AGAP4: variants seen among roughly 807,000 people sequenced by gnomAD.
The protein encoded by AGAP4 is arf-GAP with GTPase, ANK repeat and PH domain-containing protein 4.
AGAP4 carries 13 observed loss-of-function variants against 60.7 expected under a neutral mutation model. That is an observed-to-expected ratio of 0.21 (90% CI 0.14 to 0.34). AGAP4 has a LOEUF of 0.34. Ranked by LOEUF, AGAP4 falls within the 10% of genes least tolerant of loss-of-function variation. The probability of loss-of-function intolerance (pLI) is 1.00; values close to 1 mark genes in which losing one functional copy is unlikely to be tolerated. For missense variants in AGAP4, 169 were observed against 884.0 expected (o/e 0.19, Z 10.26); for synonymous variants, 70 against 339.0 (o/e 0.21, Z 8.72).
chr10:45,828,254 C>T (rs2058676977), intron 6 of AGAP4, among the ~76,000 whole-genome samples, 174 bp from the exon 7 acceptor site: 1 of 147,966 alleles, frequency 6.8e-6, no homozygotes, highest in African/African-American at 2.4e-5. Flanking sequence ...TCTTTCTCAG[C>T]ACATCATGGC....
At chr10:45,829,237 T>A (rs1309840293) in intron 6 of AGAP4, among the ~76,000 whole-genome samples, 1 of 123,112 alleles carries the variant, frequency 8.1e-6, no homozygotes, top group Non-Finnish European at 1.7e-5. Flanking sequence ...CCTGAATTTC[T>A]TAAGAATGTC....
intron 4 of AGAP4, among the ~76,000 whole-genome samples, chr10:45,839,325 A>C (rs2058879796): frequency 8.1e-6 from 1 of 123,202 alleles, no homozygotes; most frequent in Non-Finnish European, 1.8e-5. Flanking sequence ...AGTAGGGTAA[A>C]ATGTGAAAAA....
At chr10:45,850,119 G>C (rs1402689483), upstream of AGAP4, among the ~76,000 whole-genome samples, 2 of 151,752 alleles carry the variant, frequency 1.3e-5, no homozygotes, top group Non-Finnish European at 2.9e-5. Flanking sequence ...AGTAGAGATG[G>C]GGTTTCACCA....
chr10:45,851,043 T>C (rs2059077265), upstream of AGAP4, among the ~76,000 whole-genome samples: 1 of 152,000 alleles, frequency 6.6e-6, no homozygotes, highest in Non-Finnish European at 1.5e-5. Flanking sequence ...CAACTTTGAA[T>C]CTATGGTTAC....
intron 5 of AGAP4, among the ~76,000 whole-genome samples, chr10:45,831,634 T>A (rs1210218321): frequency 7.9e-6 from 1 of 126,348 alleles, no homozygotes; most frequent in East Asian, 2.3e-4. Context: ...AATATGCCGT[T>A]AGAAGACGCG....
At chr10:45,848,554 T>C (rs1414879206), upstream of AGAP4, among the ~76,000 whole-genome samples, 4 of 151,722 alleles carry the variant, frequency 2.6e-5, no homozygotes, top group East Asian at 7.8e-4. Flanking sequence ...AATCTCATGT[T>C]ACAGATTTTG....
upstream of AGAP4, among the ~76,000 whole-genome samples, chr10:45,849,663 G>C (rs1251185997): frequency 3.5e-5 from 5 of 143,718 alleles, no homozygotes; most frequent in African/African-American, 1.3e-4. Flanking sequence ...TTTTTGAGAC[G>C]GAGTTTCTCT....
chr10:45,853,141 TAAG>T (rs1256791000), intron 1 of AGAP4, among the ~76,000 whole-genome samples: 3 of 150,208 alleles, frequency 2.0e-5, no homozygotes, highest in Admixed American at 2.0e-4. Context: ...GGTTTAGAGG[TAAG>T]AAACATTTGA....
At chr10:45,834,377 A>G (rs1458920784) in intron 4 of AGAP4, among the ~76,000 whole-genome samples, 1 of 141,220 alleles carries the variant, frequency 7.1e-6, no homozygotes, top group Non-Finnish European at 1.5e-5. Context: ...GTTAAAAATA[A>G]TGGGAAAAGT....
chr10:45,830,430 C>G (rs2058713265), intron 6 of AGAP4, among the ~76,000 whole-genome samples: 1 of 127,066 alleles, frequency 7.9e-6, no homozygotes, highest in Non-Finnish European at 1.7e-5. Context: ...CCTCGGCCTC[C>G]CAAAATGCTG....
At chr10:45,843,734 T>A (rs1432717284) in intron 3 of AGAP4, among the ~76,000 whole-genome samples, 1 of 143,270 alleles carries the variant, frequency 7.0e-6, no homozygotes, top group Non-Finnish European at 1.5e-5. Flanking sequence ...TAAATGAGGA[T>A]TTAATATAAC....
At chr10:45,853,666 T>A (rs2059109918) in exon 1 of AGAP4, 10 of 1,286,808 alleles carry the variant, frequency 7.8e-6, no homozygotes, top group Non-Finnish European at 9.1e-6. Context: ...TCCAGAGGAG[T>A]CCAGTGGGTC....
upstream of AGAP4, among the ~76,000 whole-genome samples, chr10:45,849,827 A>G (rs1590044082): frequency 6.6e-6 from 1 of 150,826 alleles, no homozygotes; most frequent in African/African-American, 2.4e-5. Flanking sequence ...TTTAGTAGAG[A>G]CGGGGTTTCT....
At chr10:45,852,813 A>G (rs1253098702) in intron 1 of AGAP4, among the ~76,000 whole-genome samples, 1 of 152,066 alleles carries the variant, frequency 6.6e-6, no homozygotes, top group East Asian at 1.9e-4. Flanking sequence ...GTGTCTGAAG[A>G]CCTAGAAATG....
chr10:45,834,430 C>T (rs1294624956), intron 4 of AGAP4, among the ~76,000 whole-genome samples: 11 of 141,260 alleles, frequency 7.8e-5, no homozygotes, highest in Admixed American at 7.6e-4. Flanking sequence ...AATCCTAGCA[C>T]TTTGGGAGGT....
At position 45,831,538 on chromosome 10, in the gene AGAP4, A is replaced by C. The variant is rs1590018506; in HGVS notation, c.498-109T>G. 6 of 969,720 alleles carry C rather than the reference A, an allele frequency of 6.2e-6. No homozygotes were observed. In the East Asian group the frequency reaches 1.2e-4, roughly 19 times the overall value. The allele number at this position is 969,720 out of a possible 1,614,324, so 60.1% of individuals were successfully genotyped here. On this transcript the variant is annotated intron_variant, in intron 5 of 7. Transcript: ENST00000616763. ...CTCTCCTAGTGGCCCTGAAATTCAA[A>C]TCTTCTAGTTCAGAACAGTACCATA...
upstream of AGAP4, among the ~76,000 whole-genome samples, chr10:45,852,373 A>G (rs1473489326): frequency 7.5e-6 from 1 of 133,338 alleles, no homozygotes; most frequent in Non-Finnish European, 1.7e-5. Flanking sequence ...TTGAAAAGCA[A>G]TTTGAGCAAA....
At chr10:45,847,624 A>C, upstream of AGAP4, 1 of 1,402,286 alleles carries the variant, frequency 7.1e-7, no homozygotes, top group Non-Finnish European at 9.3e-7. Flanking sequence ...TAGGTTGTGA[A>C]CCCAACAAGT....
At chr10:45,847,953 T>C (rs2059026991), upstream of AGAP4, 3 of 1,038,744 alleles carry the variant, frequency 2.9e-6, no homozygotes, top group Admixed American at 1.0e-4. Context: ...GAGATTTTAG[T>C]CCTAAGAAAA....
Sources: allele counts gnomAD v4.1 joint callset (sites outside exome capture counted in the v4.1 genomes callset), GRCh38; gene constraint gnomAD v4.1.1; transcripts MANE v1.5; gene names NCBI Gene and HGNC (gene_info 2026-07-23, HGNC 2026-07-21).